Variants in TET2 observed in about 807,000 individuals in gnomAD.
TET2 encodes the protein methylcytosine dioxygenase TET2.
In TET2, 299 loss-of-function variants were observed where a neutral mutation model predicts 142.9. The ratio of observed to expected loss-of-function variants is 2.09; its 90% CI spans 1.90 to 2.30. The LOEUF (loss-of-function observed/expected upper bound fraction) is 2.30. TET2 is among the 30% of genes most tolerant of loss of function. The pLI is 0.00. For missense variants in TET2, 2,418 were observed against 2,378.0 expected (o/e 1.02, Z -0.35); for synonymous variants, 819 against 849.0 (o/e 0.96, Z 0.61).
At chr4:105,203,394 T>C (rs1244575232) in intron 2 of TET2, among the ~76,000 whole-genome samples, 1 of 152,272 alleles carries the variant, frequency 6.6e-6, no homozygotes, top group Non-Finnish European at 1.5e-5. Context: ...TCATGTTTTC[T>C]TTTTTAAAAA....
In TET2 at chr4:105,276,710, G is replaced by A; in HGVS notation, c.*191G>A. ...ACTTAATTTTCACTGGCTCCCAAGT[G>A]GTCACAGATGGCATCTAGGAAAAGA... On this transcript the variant is annotated 3_prime_UTR_variant, in exon 11 of 11. Coordinates refer to ENST00000380013, the MANE Select transcript of TET2 (RefSeq NM_001127208.3). The A allele has an allele frequency of 1.7e-6, 1 of 582,676 alleles. No homozygotes were observed. Among genetic ancestry groups the A allele is most frequent in the Non-Finnish European group, 2.9e-6 (1 of 349,484 alleles). The allele number at this position is 582,676 out of a possible 1,614,324, so 36.1% of individuals were successfully genotyped here.
chr4:105,172,293 A>G (rs1220014985), intron 1 of TET2: 2 of 152,252 alleles, frequency 1.3e-5, no homozygotes, highest in Non-Finnish European at 2.9e-5. Flanking sequence ...TGCTGATAAC[A>G]CACACAGTTG....
At chr4:105,185,452 G>T (rs962039814) in intron 1 of TET2, among the ~76,000 whole-genome samples, 3 of 152,176 alleles carry the variant, frequency 2.0e-5, no homozygotes, top group Admixed American at 6.5e-5. Context: ...AATCTATTTG[G>T]AAAATATTGC....
chr4:105,235,256 C>T lies in TET2; in HGVS notation c.1314C>T (p.Pro438=), dbSNP rs1728781276. The T allele has an allele frequency of 1.9e-6, 3 of 1,614,100 alleles. No homozygotes were observed. Among genetic ancestry groups the T allele is most frequent in the Non-Finnish European group, 2.5e-6 (3 of 1,179,988 alleles). ...TTTTAGAAGAACACCACCACTACCCCAACCAAAGTAACACAACACTTTTAA... is the reference window on the plus strand; with the variant it reads ...TTTTAGAAGAACACCACCACTACCCTAACCAAAGTAACACAACACTTTTAA... ...GGVLEEHHHY[P]NQSNTTLLRE... The change falls in exon 3 of 11, where the codon CCC becomes CCT. Residue 438 remains proline, a synonymous_variant. Coordinates refer to ENST00000380013, the MANE Select transcript of TET2 (RefSeq NM_001127208.3).
Position 105,260,007 on chromosome 4 carries a change from A to AG in TET2, c.3954+242dup, listed in dbSNP as rs528611836. The stretch of plus-strand genomic sequence containing the variant: ...TTTTATGTTAATTCCAAAGTTTTAA[A>AG]GGGGTGTCACTTCATTGTTAAAACT... On this transcript the variant is annotated intron_variant, in intron 7 of 10. Transcript: ENST00000380013. Among the ~76,000 whole-genome samples, 10 of 152,260 alleles carry AG rather than the reference A, an allele frequency of 6.6e-5. No homozygotes were observed. The East Asian group carries it at 1.9e-3, about 29-fold the overall frequency.
chr4:105,214,512 T>C (rs1236929543), intron 2 of TET2, among the ~76,000 whole-genome samples: 2 of 134,792 alleles, frequency 1.5e-5, no homozygotes, highest in African/African-American at 3.0e-5. Flanking sequence ...GGTTTCGCCA[T>C]GTTGCCCAGT....
At chr4:105,241,835 C>T (rs962255281) in intron 4 of TET2, 3 of 1,247,946 alleles carry the variant, frequency 2.4e-6, no homozygotes, top group East Asian at 6.3e-5. Context: ...TTAAATTCAC[C>T]TAGTGTTGCA....
At chr4:105,268,616 G>A (rs1730804662) in intron 8 of TET2, among the ~76,000 whole-genome samples, 1 of 152,192 alleles carries the variant, frequency 6.6e-6, no homozygotes, top group African/African-American at 2.4e-5. Flanking sequence ...CAGAATTTGA[G>A]ACTATATATT....
Position 105,234,781 on chromosome 4 carries a change from C to T in TET2, c.839C>T (p.Ser280Phe), listed in dbSNP as rs769780541. ...GGGCAGATCAATTCCGCACAGACCT[C>T]TAACTCTGAGCTGCCTCCAAAGCCA... ...TSGQINSAQT[S>F]NSELPPKPAA... is the part of the protein sequence containing the mutation. The change falls in exon 3 of 11, where the codon TCT becomes TTT. Residue 280 changes from serine (S) to phenylalanine (F), a missense_variant. Transcript: ENST00000380013. 1 of 1,613,906 alleles carries T rather than the reference C, an allele frequency of 6.2e-7. No homozygotes were observed. Among genetic ancestry groups the T allele is most frequent in the South Asian group, 1.1e-5 (1 of 91,064 alleles).
intron 2 of TET2, among the ~76,000 whole-genome samples, chr4:105,220,503 A>C (rs1290785965): frequency 6.6e-6 from 1 of 152,006 alleles, no homozygotes; most frequent in Non-Finnish European, 1.5e-5. Context: ...CAACCCTTGG[A>C]GTTGAAAGTA....
intron 1 of TET2, among the ~76,000 whole-genome samples, chr4:105,170,796 ACC>A (rs1560721967): frequency 6.6e-6 from 1 of 152,134 alleles, no homozygotes; most frequent in Non-Finnish European, 1.5e-5. Context: ...TGTTGCGGCT[ACC>A]TCAAAATATA....
At chr4:105,261,009 TGTTC>T (rs1224546175) in intron 7 of TET2, among the ~76,000 whole-genome samples, 69 of 152,110 alleles carry the variant, frequency 4.5e-4, no homozygotes, top group Admixed American at 7.9e-4. Context: ...AGGAGAGCTC[TGTTC>T]AGAAACCTCC....
At chr4:105,267,755 T>G (rs1251635142) in intron 8 of TET2, among the ~76,000 whole-genome samples, 3 of 151,594 alleles carry the variant, frequency 2.0e-5, no homozygotes, top group Non-Finnish European at 4.4e-5. Flanking sequence ...CTTGTGATAT[T>G]GAAAAAAAAG....
intron 6 of TET2, among the ~76,000 whole-genome samples, chr4:105,258,469 G>A (rs1019912398): frequency 6.6e-6 from 1 of 152,006 alleles, no homozygotes; most frequent in African/African-American, 2.4e-5. Context: ...AGATTTTGAT[G>A]GGAAATTATA....
intron 1 of TET2, among the ~76,000 whole-genome samples, chr4:105,165,097 G>A (rs984651989): frequency 3.9e-5 from 6 of 152,214 alleles, no homozygotes; most frequent in South Asian, 4.1e-4. Context: ...GATGATAGCC[G>A]GGTGTGGTGG....
At chr4:105,220,908 A>T (rs1727780964) in intron 2 of TET2, among the ~76,000 whole-genome samples, 1 of 151,996 alleles carries the variant, frequency 6.6e-6, no homozygotes, top group Non-Finnish European at 1.5e-5. Flanking sequence ...TTAGAGCATG[A>T]CCAAGCCTAA....
rs377071504 is a variant in TET2 at position 105,236,454 on chromosome 4, A to T, written c.2512A>T (p.Thr838Ser). 6.2e-7 allele frequency: 1 copy of T among 1,614,120 alleles called. No homozygotes were observed. Among genetic ancestry groups the T allele is most frequent in the Non-Finnish European group, 8.5e-7 (1 of 1,180,012 alleles). Residue 838 changes from threonine (T) to serine (S), a missense_variant, in exon 3 of 11, where the codon ACA (threonine) becomes TCA (serine). Thr to Ser is a moderately conservative substitution (Grantham distance 58, BLOSUM62 1). Transcript: ENST00000380013. Reference sequence around the variant, plus strand: ...AATACAGGTTTCTTGTTCAAACAATACACACCTAGTTTCAGAGAATAAAGA... The same window carrying T: ...AATACAGGTTTCTTGTTCAAACAATTCACACCTAGTTTCAGAGAATAAAGA... ...CKIQVSCSNN[T>S]HLVSENKEQT...
intron 7 of TET2, among the ~76,000 whole-genome samples, chr4:105,260,379 T>A (rs940430135): frequency 6.6e-6 from 1 of 152,134 alleles, no homozygotes; most frequent in Non-Finnish European, 1.5e-5. Context: ...TAGATACTTC[T>A]TGACTTATGA....
chr4:105,150,647 G>C (rs1482187803), intron 1 of TET2, among the ~76,000 whole-genome samples: 1 of 152,234 alleles, frequency 6.6e-6, no homozygotes, highest in Non-Finnish European at 1.5e-5. Flanking sequence ...TTGCCAAGTA[G>C]AGCTGGTGGT....
Sources: allele counts gnomAD v4.1 joint callset (sites outside exome capture counted in the v4.1 genomes callset), GRCh38; gene constraint gnomAD v4.1.1; transcripts MANE v1.5; gene names NCBI Gene and HGNC (gene_info 2026-07-23, HGNC 2026-07-21).